DENND5B: variants seen among roughly 807,000 people sequenced by gnomAD.
DENND5B encodes DENN domain-containing protein 5B.
Under a neutral mutation model 140.6 loss-of-function variants are expected in DENND5B, and 34 were observed. The ratio of observed to expected loss-of-function variants is 0.24; its 90% confidence interval spans 0.18 to 0.32. The LOEUF is 0.32. DENND5B is among the 10% of genes least tolerant of loss of function. The pLI is 1.00. For synonymous variants in DENND5B, 551 were observed against 562.1 expected (o/e 0.98, Z 0.28); for missense variants, 1,142 against 1,560.2 (o/e 0.73, Z 4.52).
chr12:31,564,045 G>A (rs1949554028), intron 1 of DENND5B, among the ~76,000 whole-genome samples: 1 of 152,154 alleles, frequency 6.6e-6, no homozygotes, highest in African/African-American at 2.4e-5. Context: ...TAAGCCCAGA[G>A]GGGCAGAAGT....
At chr12:31,412,954 A>G (rs1942543415) in intron 13 of DENND5B, among the ~76,000 whole-genome samples, 1 of 151,576 alleles carries the variant, frequency 6.6e-6, no homozygotes, top group Non-Finnish European at 1.5e-5. Flanking sequence ...ATGGTCTTGC[A>G]CTGTCGCCCA....
intron 3 of DENND5B, among the ~76,000 whole-genome samples, chr12:31,467,645 A>G (rs1945338972): frequency 6.6e-6 from 1 of 152,166 alleles, no homozygotes; most frequent in Admixed American, 6.6e-5. Context: ...TAAGGTCACT[A>G]TGAGTAAATT....
chr12:31,521,455 T>TCTA (rs1428044596), intron 1 of DENND5B, among the ~76,000 whole-genome samples: 4 of 152,248 alleles, frequency 2.6e-5, no homozygotes, highest in African/African-American at 9.6e-5. Flanking sequence ...ACCTGGCTAT[T>TCTA]CTACCAATAC....
rs67827415 is a variant in DENND5B at position 31,443,045 on chromosome 12, T to TGC, written c.1862-121_1862-120insGC. On this transcript the variant is annotated intron_variant, in intron 6 of 20. Coordinates refer to ENST00000389082, the MANE Select transcript of DENND5B (RefSeq NM_144973.4). ...CACTCTGACACTCTGAAACAGATAT[T>TGC]GTGTGTGTGTGTGTGTGTGCACGCA... 31 of 538,724 alleles carry TGC rather than the reference T, an allele frequency of 5.8e-5. No homozygotes were observed. The East Asian group carries it at 7.4e-4, about 13-fold the overall frequency. The allele number at this position is 538,724 out of a possible 1,614,324, so 33.4% of individuals were successfully genotyped here. A position where few individuals can be genotyped will look rare whatever the true frequency, so the allele number is the denominator to read the frequency against.
At chr12:31,485,727 C>T (rs1946276523) in intron 2 of DENND5B, among the ~76,000 whole-genome samples, 1 of 117,816 alleles carries the variant, frequency 8.5e-6, no homozygotes, top group African/African-American at 3.6e-5. Context: ...GGCAATACAG[C>T]TTCCATCTCC....
intron 1 of DENND5B, among the ~76,000 whole-genome samples, chr12:31,506,663 C>T (rs571609876): frequency 1.1e-3 from 160 of 152,200 alleles, no homozygotes; most frequent in African/African-American, 3.7e-3. Flanking sequence ...TCCACAAGTC[C>T]CTCAGGTACA....
rs115663179 is a variant in DENND5B, at chr12:31,459,649, T to A, written c.1092+545A>T. On this transcript the variant is annotated intron_variant, in intron 4 of 20. Transcript: ENST00000389082. Reference sequence around the variant, plus strand: ...CAGAAAGTATAACTTTAAGGTGGCATAAAAACTAGGTGTTAGAATTTTTAT... The same window carrying A: ...CAGAAAGTATAACTTTAAGGTGGCAAAAAAACTAGGTGTTAGAATTTTTAT... 5.3e-3 allele frequency among the ~76,000 whole-genome samples: 803 copies of A among 152,278 alleles called. 12 individuals carry two copies. Among genetic ancestry groups the A allele is most frequent in the African/African-American group, 0.018 (746 of 41,568 alleles).
chr12:31,417,115 G>A (rs1379803321), intron 11 of DENND5B, among the ~76,000 whole-genome samples: 2 of 149,006 alleles, frequency 1.3e-5, no homozygotes, highest in African/African-American at 4.9e-5. Flanking sequence ...CCAGCACTTT[G>A]GGAGGCCGAG....
intron 17 of DENND5B, 145 bp downstream of exon 17, chr12:31,398,030 C>A: frequency 1.2e-6 from 1 of 826,952 alleles, no homozygotes; most frequent in East Asian, 3.1e-5. Flanking sequence ...TAAACTCTTC[C>A]GGCTTTTGAA....
intron 1 of DENND5B, among the ~76,000 whole-genome samples, chr12:31,551,694 G>T (rs1432141254): frequency 1.3e-5 from 2 of 152,190 alleles, no homozygotes; most frequent in East Asian, 3.8e-4. Context: ...TCCTACCCAT[G>T]AGCATGGAAT....
chr12:31,451,715 G>A (rs1419710207), intron 5 of DENND5B: 2 of 527,454 alleles, frequency 3.8e-6, no homozygotes, highest in South Asian at 2.5e-5. Flanking sequence ...CCAGTTCAAT[G>A]AGCTGGTTTA....
At position 31,424,731 on chromosome 12, in the gene DENND5B, C is replaced by G. The variant is rs1382670026; in HGVS notation, c.2239-44G>C. The G allele has an allele frequency of 1.9e-6, 3 of 1,587,702 alleles. No individual in the cohort carries two copies. In the South Asian group the frequency reaches 3.4e-5, roughly 18 times the overall value. On this transcript the variant is annotated intron_variant, in intron 9 of 20. Coordinates refer to ENST00000389082, the MANE Select transcript of DENND5B (RefSeq NM_144973.4). ...GTCATAAGGCACCCCAGCAGTGAAA[C>G]CAAAAACCAACAAGTCAATTACTAA...
rs1470867885 is a variant in DENND5B, at chr12:31,583,384, T to C, written c.127+7322A>G. Among the ~76,000 whole-genome samples, 3 of 150,440 alleles carry C rather than the reference T, an allele frequency of 2.0e-5. No homozygotes were observed. In the East Asian group the frequency reaches 6.0e-4, roughly 30 times the overall value. ...TGAATGAGGTACTGACTATAAAGAA[T>C]TTAGCACAGTGGTTGGGTGGGGTGG... On this transcript the variant is annotated intron_variant, in intron 1 of 20. Coordinates refer to ENST00000389082, the MANE Select transcript of DENND5B (RefSeq NM_144973.4).
chr12:31,553,426 G>C (rs1949149978), intron 1 of DENND5B, among the ~76,000 whole-genome samples: 1 of 152,180 alleles, frequency 6.6e-6, no homozygotes, highest in Non-Finnish European at 1.5e-5. Flanking sequence ...TGGTCTGAGA[G>C]ACAGTTTGTT....
intron 1 of DENND5B, among the ~76,000 whole-genome samples, chr12:31,523,389 G>T (rs1338480343): frequency 1.3e-5 from 2 of 152,038 alleles, no homozygotes; most frequent in Non-Finnish European, 2.9e-5. Flanking sequence ...GAAGATTTAG[G>T]GGGCTGGCAG....
chr12:31,529,869 T>C (rs1403202457), intron 1 of DENND5B, among the ~76,000 whole-genome samples: 2 of 152,180 alleles, frequency 1.3e-5, no homozygotes, highest in Admixed American at 6.5e-5. Context: ...AGCCATGGCT[T>C]AAAATGCTGC....
chr12:31,478,107 A>C (rs1238384495), intron 3 of DENND5B: 1 of 152,240 alleles, frequency 6.6e-6, no homozygotes, highest in Non-Finnish European at 1.5e-5. Flanking sequence ...TGAAAGAAGA[A>C]AGGAAAGAAT....
intron 1 of DENND5B, among the ~76,000 whole-genome samples, chr12:31,567,189 G>A (rs767758519): frequency 1.3e-5 from 2 of 151,938 alleles, no homozygotes; most frequent in African/African-American, 2.4e-5. Flanking sequence ...GTGGTGGCAC[G>A]TGGGTGTAGT....
intron 4 of DENND5B, among the ~76,000 whole-genome samples, chr12:31,457,164 T>C (rs1944813627): frequency 6.6e-6 from 1 of 152,222 alleles, no homozygotes; most frequent in South Asian, 2.1e-4. Context: ...TCAGTTTTTC[T>C]CTTAACTTTT....
Sources: allele counts gnomAD v4.1 joint callset (sites outside exome capture counted in the v4.1 genomes callset), GRCh38; gene constraint gnomAD v4.1.1; transcripts MANE v1.5; gene names NCBI Gene and HGNC (gene_info 2026-07-23, HGNC 2026-07-21).